The following PUDP variants were observed in gnomAD, a reference collection of about 807,000 sequenced individuals.
PUDP encodes pseudouridine-5'-phosphatase.
PUDP carries 8 observed loss-of-function variants against 9.4 expected under a neutral mutation model. The observed-to-expected ratio is 0.85, with a 90% CI of 0.50 to 1.53. The LOEUF (loss-of-function observed/expected upper bound fraction) is 1.53. Among genes scored for constraint, PUDP ranks in the 40% most tolerant of loss-of-function variants. The pLI is 0.00. For synonymous variants in PUDP, 99 were observed against 80.7 expected, an observed-to-expected ratio of 1.23 and a Z score of -1.22; for missense variants, 188 against 189.7, an observed-to-expected ratio of 0.99 and a Z score of 0.05.
chrX:6,906,551 G>A lies in PUDP; in HGVS notation c.*247+70582C>T, dbSNP rs1927770277. Among the ~76,000 whole-genome samples, 2 of 112,135 alleles carry A rather than the reference G, an allele frequency of 1.8e-5. 1 individual carries two copies. The highest frequency in any genetic ancestry group is 1.9e-4 in the Admixed American group (2 of 10,603). On this transcript the variant is annotated intron_variant and NMD_transcript_variant, in intron 3 of 3. Transcript: ENST00000655425. ...AATCATCTACTGGCAGAGCGAAGAT[G>A]CTATTGGACACTCCTGGAAACAGAC... is the stretch of plus-strand genomic sequence containing the variant.
At chrX:6,872,394 C>T (rs1453646533) in intron 3 of PUDP, among the ~76,000 whole-genome samples, 1 of 111,142 alleles carries the variant, frequency 9.0e-6, no homozygotes, top group Non-Finnish European at 1.9e-5. Context: ...ACGTGATTAC[C>T]TTTGTAAAGA....
chrX:6,999,773 T>A (rs1000811816), intron 1 of PUDP, among the ~76,000 whole-genome samples: 1 of 98,363 alleles, frequency 1.0e-5, no homozygotes, highest in East Asian at 3.2e-4. Flanking sequence ...TGTTCTCCAA[T>A]AGCCTATGAA....
chrX:6,785,712 T>G (rs1162914923), intron 3 of PUDP, among the ~76,000 whole-genome samples: 1 of 111,377 alleles, frequency 9.0e-6, no homozygotes, highest in Non-Finnish European at 1.9e-5. Flanking sequence ...ACATATTATA[T>G]AATATGTCAC....
intron 3 of PUDP, among the ~76,000 whole-genome samples, chrX:6,911,336 G>C (rs1927846757): frequency 9.1e-6 from 1 of 109,510 alleles, no homozygotes; most frequent in African/African-American, 3.3e-5. Flanking sequence ...TGGGATTACA[G>C]GCACATACCA....
intron 3 of PUDP, among the ~76,000 whole-genome samples, chrX:6,956,718 CCAAGACTGAA>C (rs1928633980): frequency 2.7e-5 from 3 of 112,034 alleles, no homozygotes; most frequent in Non-Finnish European, 5.6e-5. Flanking sequence ...TACTTCTTGA[CCAAGACTGAA>C]TTTTATCCCT....
chrX:6,946,658 A>G (rs1409215144), intron 3 of PUDP, among the ~76,000 whole-genome samples: 1 of 112,238 alleles, frequency 8.9e-6, no homozygotes, highest in African/African-American at 3.2e-5. Flanking sequence ...CCCAAAACCA[A>G]TGATCTCAAA....
intron 3 of PUDP, among the ~76,000 whole-genome samples, chrX:6,738,855 G>T (rs186503566): frequency 8.9e-6 from 1 of 111,995 alleles, no homozygotes; most frequent in Non-Finnish European, 1.9e-5. Context: ...GCATTGATGG[G>T]TTCATTAATC....
chrX:6,997,040 A>T (rs918209710), intron 1 of PUDP, among the ~76,000 whole-genome samples: 3 of 111,809 alleles, frequency 2.7e-5, no homozygotes, highest in Non-Finnish European at 5.6e-5. Flanking sequence ...TAACTGAAAA[A>T]AAATAAATAA....
At chrX:6,892,146 A>G (rs1267212061) in intron 3 of PUDP, among the ~76,000 whole-genome samples, 1 of 111,872 alleles carries the variant, frequency 8.9e-6, no homozygotes, top group African/African-American at 3.3e-5. Flanking sequence ...AATTAGTCTA[A>G]CTCAAATATT....
intron 1 of PUDP, 27 bp from the exon 2 acceptor site, chrX:7,105,865 A>T (rs771906509): frequency 9.8e-7 from 1 of 1,024,352 alleles, no homozygotes; most frequent in South Asian, 2.1e-5. Context: ...AGAGATTTTT[A>T]GAGTGCATAC....
intron 3 of PUDP, among the ~76,000 whole-genome samples, chrX:6,868,837 A>G (rs1310445042): frequency 8.9e-6 from 1 of 111,951 alleles, no homozygotes; most frequent in African/African-American, 3.2e-5. Flanking sequence ...AGGCCGTGAA[A>G]TGGAAAAATT....
At chrX:6,804,224 T>A (rs1043982986) in intron 3 of PUDP, among the ~76,000 whole-genome samples, 2 of 111,206 alleles carry the variant, frequency 1.8e-5, no homozygotes, top group African/African-American at 6.5e-5. Context: ...AAAATCCTGG[T>A]CATCCAATGC....
chrX:6,833,521 G>A (rs1157467868), intron 3 of PUDP, among the ~76,000 whole-genome samples: 1 of 111,889 alleles, frequency 8.9e-6, no homozygotes, highest in East Asian at 2.8e-4. Flanking sequence ...ATGGCTGGCT[G>A]GATGGATGGA....
chrX:6,972,635 C>T (rs781464716), intron 3 of PUDP, among the ~76,000 whole-genome samples: 8 of 111,978 alleles, frequency 7.1e-5, no homozygotes, highest in Admixed American at 2.8e-4. Context: ...ATTTTCACAT[C>T]GATGTTCATC....
downstream of PUDP, among the ~76,000 whole-genome samples, chrX:7,044,477 T>C (rs887434713): frequency 1.8e-5 from 2 of 112,658 alleles, no homozygotes; most frequent in African/African-American, 6.4e-5. Context: ...TCTTTCCCAA[T>C]GGTTGAAGAC....
chrX:7,100,327 G>C (rs1283995766), intron 2 of PUDP, among the ~76,000 whole-genome samples: 1 of 111,047 alleles, frequency 9.0e-6, no homozygotes, highest in Admixed American at 9.6e-5. Flanking sequence ...GCTTCCCCTG[G>C]TAATCTACCA....
At chrX:6,945,905 G>A (rs1928457606) in intron 3 of PUDP, among the ~76,000 whole-genome samples, 1 of 111,089 alleles carries the variant, frequency 9.0e-6, no homozygotes, top group Admixed American at 9.6e-5. Context: ...CTTGAAAACT[G>A]AAGGCCACGA....
At chrX:6,956,459 T>C (rs1305586644) in intron 3 of PUDP, among the ~76,000 whole-genome samples, 1 of 110,269 alleles carries the variant, frequency 9.1e-6, no homozygotes, top group African/African-American at 3.3e-5. Flanking sequence ...ATGCAGTACA[T>C]AAACAGATAT....
At chrX:6,988,655 T>C (rs1929134702) in intron 1 of PUDP, among the ~76,000 whole-genome samples, 1 of 111,523 alleles carries the variant, frequency 9.0e-6, no homozygotes, top group African/African-American at 3.3e-5. Flanking sequence ...CCTTATCTTA[T>C]CTCCTGCTAA....
Sources: gnomAD v4.1 joint callset for allele counts (sites outside exome capture counted in the v4.1 genomes callset) on GRCh38, gnomAD v4.1.1 for gene constraint, MANE v1.5 for transcripts, NCBI Gene and HGNC (gene_info 2026-07-23, HGNC 2026-07-21) for gene names.